Variants in FRMPD4 observed in about 807,000 individuals in gnomAD.
FRMPD4 encodes FERM and PDZ domain containing 4.
Under a neutral mutation model 94.1 loss-of-function variants are expected in FRMPD4, and 22 were observed. The ratio of observed to expected loss-of-function variants is 0.23; its 90% CI spans 0.17 to 0.33. The LOEUF (loss-of-function observed/expected upper bound fraction) is 0.33. Among genes scored for constraint, FRMPD4 ranks in the 10% least tolerant of loss-of-function variants. FRMPD4 has a pLI of 1.00. For missense variants in FRMPD4, 1,111 were observed against 1,339.9 expected (o/e 0.83, Z 2.67); for synonymous variants, 631 against 548.6 (o/e 1.15, Z -2.10).
chrX:12,192,170 T>C (rs1018988087), intron 1 of FRMPD4, among the ~76,000 whole-genome samples: 1 of 112,016 alleles, frequency 8.9e-6, no homozygotes, highest in Non-Finnish European at 1.9e-5. Context: ...ATGAGCTGTG[T>C]CTCTTGTCTG....
chrX:12,544,905 C>T (rs777974233), intron 2 of FRMPD4, among the ~76,000 whole-genome samples: 9 of 112,130 alleles, frequency 8.0e-5, no homozygotes, highest in East Asian at 5.6e-4. Context: ...GCAAACCCCA[C>T]GTAAGTTAAT....
chrX:12,251,554 C>T (rs1280372999), intron 1 of FRMPD4, among the ~76,000 whole-genome samples: 1 of 111,836 alleles, frequency 8.9e-6, no homozygotes, highest in Non-Finnish European at 1.9e-5. Context: ...GCCGAAGCTA[C>T]CCCTATGAGA....
chrX:12,084,551 AT>A (rs1477349756), intron 3 of FRMPD4, among the ~76,000 whole-genome samples: 2 of 112,276 alleles, frequency 1.8e-5, no homozygotes, highest in Non-Finnish European at 3.8e-5. Flanking sequence ...TAAGAATCTT[AT>A]TTCTGATTAT....
At chrX:12,329,203 C>T (rs1469699700) in intron 1 of FRMPD4, among the ~76,000 whole-genome samples, 1 of 112,067 alleles carries the variant, frequency 8.9e-6, no homozygotes, top group Non-Finnish European at 1.9e-5. Flanking sequence ...AGCAGCCTTC[C>T]TTCCTTCTGG....
At chrX:12,426,877 T>A (rs1280043260) in intron 1 of FRMPD4, among the ~76,000 whole-genome samples, 1 of 29,339 alleles carries the variant, frequency 3.4e-5, no homozygotes, top group Admixed American at 3.0e-4. Flanking sequence ...CTAGCTGTAG[T>A]TTTTTTTTGT....
chrX:12,480,809 C>CT (rs1479647390), intron 1 of FRMPD4, among the ~76,000 whole-genome samples: 1 of 112,324 alleles, frequency 8.9e-6, no homozygotes, highest in Non-Finnish European at 1.9e-5. Flanking sequence ...TTCATACTGT[C>CT]TAAGATTATT....
At chrX:12,603,706 A>G (rs1362524142) in intron 2 of FRMPD4, among the ~76,000 whole-genome samples, 1 of 111,003 alleles carries the variant, frequency 9.0e-6, no homozygotes, top group African/African-American at 3.3e-5. Context: ...CATCAGTTGT[A>G]TACTTCTAGT....
chrX:12,183,650 T>C (rs2056388837), intron 1 of FRMPD4, among the ~76,000 whole-genome samples: 1 of 111,417 alleles, frequency 9.0e-6, no homozygotes, highest in South Asian at 3.8e-4. Flanking sequence ...TGTGCTTAGC[T>C]TTGGTTACTT....
At chrX:12,443,878 G>GGTGA (rs1397465470) in intron 1 of FRMPD4, among the ~76,000 whole-genome samples, 1 of 112,021 alleles carries the variant, frequency 8.9e-6, no homozygotes, top group Non-Finnish European at 1.9e-5. Context: ...CCAGCCACAT[G>GGTGA]GTGAGTTAGC....
At chrX:11,851,036 A>G (rs999051295) in intron 1 of FRMPD4, among the ~76,000 whole-genome samples, 1 of 111,687 alleles carries the variant, frequency 9.0e-6, no homozygotes, top group Non-Finnish European at 1.9e-5. Flanking sequence ...TAGTGAAGCT[A>G]TTGATGTTCA....
intron 3 of FRMPD4, among the ~76,000 whole-genome samples, chrX:12,049,832 G>A (rs1167703984): frequency 9.0e-6 from 1 of 110,668 alleles, no homozygotes; most frequent in African/African-American, 3.3e-5. Flanking sequence ...CCCATCGTAG[G>A]CTTAGGCTAA....
chrX:12,565,979 AG>A (rs2058707560), intron 2 of FRMPD4, among the ~76,000 whole-genome samples: 1 of 111,871 alleles, frequency 8.9e-6, no homozygotes, highest in African/African-American at 3.3e-5. Flanking sequence ...TAGTCATTTT[AG>A]GGCCGGGCAC....
chrX:11,956,842 G>T (rs530737969), intron 3 of FRMPD4, among the ~76,000 whole-genome samples: 1 of 112,121 alleles, frequency 8.9e-6, no homozygotes, highest in Admixed American at 9.5e-5. Flanking sequence ...GATCTGGTCC[G>T]CAGGTTTGTA....
At chrX:12,347,790 T>G (rs1231656230) in intron 1 of FRMPD4, among the ~76,000 whole-genome samples, 1 of 111,887 alleles carries the variant, frequency 8.9e-6, no homozygotes, top group Non-Finnish European at 1.9e-5. Context: ...GAAGTCATTA[T>G]TTTTAAATAT....
chrX:12,312,392 A>G (rs2055048441), intron 1 of FRMPD4, among the ~76,000 whole-genome samples: 1 of 106,924 alleles, frequency 9.4e-6, no homozygotes, highest in Non-Finnish European at 1.9e-5. Context: ...AGCTGGGACT[A>G]CAGGCGCCTG....
At chrX:12,547,960 A>G (rs2058495795) in intron 2 of FRMPD4, among the ~76,000 whole-genome samples, 1 of 112,624 alleles carries the variant, frequency 8.9e-6, no homozygotes, top group African/African-American at 3.2e-5. Context: ...GTACTTAAAA[A>G]TATCAAAGAT....
Position 12,705,665 on chromosome X carries a change from A to C in FRMPD4, c.1198-1161A>C, listed in dbSNP as rs866247492. On this transcript the variant is annotated intron_variant, in intron 11 of 16. Transcript: ENST00000675598. ...GAGATGTAGCAAGATGATGTGGGTC[A>C]AGTTCTTTTTAACTTCAGTTCTGAT... Among the ~76,000 whole-genome samples the C allele has an allele frequency of 2.8e-4, 31 of 111,134 alleles. No homozygotes were observed. The Middle Eastern group carries it at 0.018, about 65-fold the overall frequency.
At chrX:12,576,878 A>G (rs1283182769) in intron 2 of FRMPD4, among the ~76,000 whole-genome samples, 1 of 111,934 alleles carries the variant, frequency 8.9e-6, no homozygotes. Flanking sequence ...AGGAGTGGGC[A>G]TTCACTCTGA....
rs913612239 is a variant in FRMPD4, at chrX:12,430,172, C to T, written c.42-68508C>T. On this transcript the variant is annotated intron_variant, in intron 1 of 16. Transcript: ENST00000675598. Reference sequence around the variant, plus strand: ...TGGAGTAGACTGAAGTGCAAAAAAGCTAAGGGTTGTTCTTATATGATCTTG... The same window carrying T: ...TGGAGTAGACTGAAGTGCAAAAAAGTTAAGGGTTGTTCTTATATGATCTTG... Among the ~76,000 whole-genome samples, 3 of 90,172 alleles carry T rather than the reference C, an allele frequency of 3.3e-5. No individual in the cohort carries two copies. The South Asian group carries it at 1.9e-3, about 58-fold the overall frequency. The allele number at this position is 90,172 out of a possible 115,157, so 78.3% of individuals were successfully genotyped here. A position where few individuals can be genotyped will look rare whatever the true frequency, so the allele number is the denominator to read the frequency against.
Sources: gnomAD v4.1 joint callset for allele counts (sites outside exome capture counted in the v4.1 genomes callset) on GRCh38, gnomAD v4.1.1 for gene constraint, MANE v1.5 for transcripts, NCBI Gene and HGNC (gene_info 2026-07-23, HGNC 2026-07-21) for gene names.